The following GCNT2 variants were observed in gnomAD, a reference collection of about 807,000 sequenced individuals.
GCNT2 encodes N-acetyllactosaminide beta-1,6-N-acetylglucosaminyl-transferase.
GCNT2 carries 34 observed loss-of-function variants against 34.2 expected under a neutral mutation model. The observed-to-expected ratio is 1.00, with a 90% CI of 0.76 to 1.32. The LOEUF (loss-of-function observed/expected upper bound fraction) is 1.32. Among genes scored for constraint, GCNT2 ranks in the 40% most tolerant of loss-of-function variants. GCNT2 has a pLI of 0.00. For missense variants in GCNT2, 584 were observed against 489.4 expected, an observed-to-expected ratio of 1.19 and a Z score of -1.82; for synonymous variants, 212 against 188.0, an observed-to-expected ratio of 1.13 and a Z score of -1.04.
intron 3 of GCNT2, among the ~76,000 whole-genome samples, chr6:10,575,403 C>T (rs1249005377): frequency 6.8e-6 from 1 of 148,032 alleles, no homozygotes; most frequent in African/African-American, 2.5e-5. Context: ...CTCTTGTCCT[C>T]CAGGCTGGAG....
At chr6:10,554,259 A>G (rs1474761547) in intron 3 of GCNT2, among the ~76,000 whole-genome samples, 5 of 152,242 alleles carry the variant, frequency 3.3e-5, no homozygotes, top group Non-Finnish European at 7.3e-5. Flanking sequence ...TTTTAATACC[A>G]GAATCTGAGA....
chr6:10,566,849 T>C (rs185403519), intron 3 of GCNT2, among the ~76,000 whole-genome samples: 1 of 152,238 alleles, frequency 6.6e-6, no homozygotes, highest in Admixed American at 6.5e-5. Flanking sequence ...ACTCTGCCCT[T>C]CATTTTACCC....
At chr6:10,557,502 T>C (rs1216032986) in intron 3 of GCNT2, among the ~76,000 whole-genome samples, 1 of 152,102 alleles carries the variant, frequency 6.6e-6, no homozygotes, top group African/African-American at 2.4e-5. Context: ...TCTTTTTTTT[T>C]TTTGAGACTG....
At position 10,626,922 on chromosome 6, in the gene GCNT2, C is replaced by A; in HGVS notation, c.*315C>A. On this transcript the variant is annotated 3_prime_UTR_variant, in exon 5 of 5. Transcript: ENST00000495262. ...TCAGATCTTTGCACCAGATACTCAT[C>A]ATATACAAATGTTTTAGTAAAAAAG... is the stretch of plus-strand genomic sequence containing the variant. The A allele has an allele frequency of 3.0e-6, 1 of 330,452 alleles. No homozygotes were observed. The highest frequency in any genetic ancestry group is 5.7e-6 in the Non-Finnish European group (1 of 174,492). The allele number at this position is 330,452 out of a possible 1,614,324, so 20.5% of individuals were successfully genotyped here. A position where few individuals can be genotyped will look rare whatever the true frequency, so the allele number is the denominator to read the frequency against.
intron 3 of GCNT2, among the ~76,000 whole-genome samples, chr6:10,620,563 G>A (rs777135643): frequency 4.6e-5 from 7 of 151,744 alleles, no homozygotes; most frequent in African/African-American, 9.7e-5. Context: ...ACGTGCCACC[G>A]CACTCAGCTA....
chr6:10,532,437 C>CT lies in GCNT2; in HGVS notation c.925+2609dup, dbSNP rs567385846. On this transcript the variant is annotated intron_variant, in intron 3 of 4. Transcript: ENST00000495262. ...AGGACCCTGACCAGCTCTGCCAACT[C>CT]TTTTTTTTCTTTTTTTGGATCTCAC... Among the ~76,000 whole-genome samples the CT allele has an allele frequency of 7.8e-4, 119 of 152,168 alleles. 1 individual carries two copies. Among genetic ancestry groups the CT allele is most frequent in the African/African-American group, 2.3e-3 (95 of 41,508 alleles).
At chr6:10,554,011 A>G (rs1762589198) in intron 3 of GCNT2, among the ~76,000 whole-genome samples, 1 of 152,244 alleles carries the variant, frequency 6.6e-6, no homozygotes, top group African/African-American at 2.4e-5. Context: ...TAGCCTGATT[A>G]ATTGGCTAGT....
intron 3 of GCNT2, among the ~76,000 whole-genome samples, chr6:10,580,888 T>TTG (rs1157215260): frequency 7.9e-5 from 12 of 152,312 alleles, no homozygotes; most frequent in African/African-American, 2.9e-4. Flanking sequence ...TGATGATGTG[T>TTG]TGTTAGCCAT....
intron 3 of GCNT2, among the ~76,000 whole-genome samples, chr6:10,542,893 CTTTT>C (rs869251646): frequency 6.1e-5 from 5 of 82,250 alleles, no homozygotes; most frequent in African/African-American, 5.1e-5. Context: ...TATGTTAATT[CTTTT>C]TTTTTTTTTT....
chr6:10,607,313 A>G (rs571030789), intron 3 of GCNT2, among the ~76,000 whole-genome samples: 13 of 152,296 alleles, frequency 8.5e-5, no homozygotes, highest in African/African-American at 2.9e-4. Context: ...ACTTTCAAAC[A>G]TTGTGGAAGG....
intron 3 of GCNT2, among the ~76,000 whole-genome samples, chr6:10,576,586 AGT>A (rs1244585860): frequency 6.6e-6 from 1 of 152,118 alleles, no homozygotes; most frequent in Non-Finnish European, 1.5e-5. Flanking sequence ...AGCATTTGAG[AGT>A]GGAATGGAAA....
intron 3 of GCNT2, among the ~76,000 whole-genome samples, chr6:10,551,194 G>C (rs1470584812): frequency 6.6e-6 from 1 of 152,034 alleles, no homozygotes; most frequent in Non-Finnish European, 1.5e-5. Context: ...CTTAACATTT[G>C]CCTATTTAAA....
At position 10,582,214 on chromosome 6, in the gene GCNT2, A is replaced by G. The variant is rs1243777652; in HGVS notation, c.926-39137A>G. Among the ~76,000 whole-genome samples the G allele has an allele frequency of 7.1e-5, 8 of 112,862 alleles. No individual in the cohort carries two copies. In the South Asian group the frequency reaches 9.6e-4, roughly 14 times the overall value. The allele number at this position is 112,862 out of a possible 152,430, so 74.0% of individuals were successfully genotyped here. A position where few individuals can be genotyped will look rare whatever the true frequency, so the allele number is the denominator to read the frequency against. On this transcript the variant is annotated intron_variant, in intron 3 of 4. Transcript: ENST00000495262. Reference sequence around the variant, plus strand: ...TTATATAATATATAAAATTTATTATATATATAATTATATATATTTAAATAT... The same window carrying G: ...TTATATAATATATAAAATTTATTATGTATATAATTATATATATTTAAATAT...
chr6:10,615,852 G>T (rs577672491), intron 3 of GCNT2, among the ~76,000 whole-genome samples: 8 of 152,338 alleles, frequency 5.3e-5, no homozygotes, highest in African/African-American at 1.7e-4. Context: ...GAGTGTAGCA[G>T]GACGACCAGA....
At chr6:10,574,134 G>A (rs190778592) in intron 3 of GCNT2, among the ~76,000 whole-genome samples, 1 of 152,276 alleles carries the variant, frequency 6.6e-6, no homozygotes, top group East Asian at 1.9e-4. Flanking sequence ...CCATTCTGTA[G>A]AAGAAGAAAG....
chr6:10,594,423 G>A (rs1476257841), intron 3 of GCNT2, among the ~76,000 whole-genome samples: 3 of 152,196 alleles, frequency 2.0e-5, no homozygotes, highest in Non-Finnish European at 4.4e-5. Flanking sequence ...TATTTGGGAT[G>A]TACTCATATT....
intron 3 of GCNT2, among the ~76,000 whole-genome samples, chr6:10,560,182 G>A (rs560778465): frequency 6.6e-6 from 1 of 152,018 alleles, no homozygotes; most frequent in Admixed American, 6.6e-5. Flanking sequence ...TCTGCCTCCC[G>A]GGCTCAAGTG....
At chr6:10,567,073 C>T (rs1165526198) in intron 3 of GCNT2, among the ~76,000 whole-genome samples, 1 of 152,226 alleles carries the variant, frequency 6.6e-6, no homozygotes, top group Non-Finnish European at 1.5e-5. Flanking sequence ...AATCCCAGCA[C>T]TTTGGGAGGC....
rs527751134 is a variant in GCNT2 at position 10,604,040 on chromosome 6, C to T, written c.926-17311C>T. Among the ~76,000 whole-genome samples, 145 of 151,992 alleles carry T rather than the reference C, an allele frequency of 9.5e-4. 1 individual carries two copies. Among genetic ancestry groups the T allele is most frequent in the African/African-American group, 3.0e-3 (123 of 41,452 alleles). On this transcript the variant is annotated intron_variant, in intron 3 of 4. Coordinates refer to ENST00000495262, the MANE Select transcript of GCNT2 (RefSeq NM_145649.5). ...CCTCCCATGTAGCTGGGATTACAGG[C>T]GCACGCCACCACGCCCGGCTAATTT...
Sources: gnomAD v4.1 joint callset for allele counts (sites outside exome capture counted in the v4.1 genomes callset) on GRCh38, gnomAD v4.1.1 for gene constraint, MANE v1.5 for transcripts, NCBI Gene and HGNC (gene_info 2026-07-23, HGNC 2026-07-21) for gene names.